SH3GL3: variants seen among roughly 807,000 people sequenced by gnomAD.
SH3GL3 encodes the protein SH3 domain containing GRB2 like 3, endophilin A3, also known as endophilin-A3.
Under a neutral mutation model 47.7 loss-of-function variants are expected in SH3GL3, and 33 were observed. The ratio of observed to expected loss-of-function variants is 0.69; its 90% CI spans 0.52 to 0.92. The LOEUF is 0.92. Among genes scored for constraint, SH3GL3 ranks in the 40% least tolerant of loss-of-function variants. The pLI, the probability that SH3GL3 is intolerant of heterozygous loss-of-function variation, is 0.00. For missense variants in SH3GL3, 363 were observed against 417.8 expected (o/e 0.87, Z 1.14); for synonymous variants, 155 against 148.8 (o/e 1.04, Z -0.30).
rs183327892 is a variant in SH3GL3, at chr15:83,498,289, C to G, written c.45+50711C>G. ...CATAGCACTCTGGAGCTGATTACCT[C>G]CCCTTCAATCCTGACTCCTCTCTTG... On this transcript the variant is annotated intron_variant, in intron 1 of 8. Transcript: ENST00000427482. 6.4e-4 allele frequency among the ~76,000 whole-genome samples: 97 copies of G among 152,322 alleles called. 1 individual carries two copies. Among genetic ancestry groups the G allele is most frequent in the Middle Eastern group, 3.4e-3 (1 of 294 alleles).
intron 1 of SH3GL3, among the ~76,000 whole-genome samples, chr15:83,466,368 AGT>A (rs2040567125): frequency 6.6e-6 from 1 of 151,812 alleles, no homozygotes; most frequent in Admixed American, 6.6e-5. Flanking sequence ...TGTGAATGTA[AGT>A]GTGTGTTTCT....
chr15:83,580,424 AAG>A (rs1187007724), intron 6 of SH3GL3, among the ~76,000 whole-genome samples: 2 of 152,206 alleles, frequency 1.3e-5, no homozygotes, highest in Non-Finnish European at 2.9e-5. Flanking sequence ...GCTGCAAGGG[AAG>A]CCTGGTGGCA....
intron 1 of SH3GL3, among the ~76,000 whole-genome samples, chr15:83,544,786 A>G (rs1193929536): frequency 6.6e-6 from 1 of 152,166 alleles, no homozygotes; most frequent in Non-Finnish European, 1.5e-5. Flanking sequence ...ATATTTTTGT[A>G]GGATACAATA....
chr15:83,587,410 C>A (rs1328780578), intron 7 of SH3GL3, among the ~76,000 whole-genome samples: 1 of 151,790 alleles, frequency 6.6e-6, no homozygotes, highest in Non-Finnish European at 1.5e-5. Flanking sequence ...TACAGAACTA[C>A]CCTGGCTTCA....
intron 1 of SH3GL3, among the ~76,000 whole-genome samples, chr15:83,474,864 G>A (rs1452038298): frequency 1.3e-5 from 2 of 152,150 alleles, no homozygotes; most frequent in Non-Finnish European, 2.9e-5. Context: ...CAGATTTGAC[G>A]ATGCTGGGTG....
intron 8 of SH3GL3, among the ~76,000 whole-genome samples, chr15:83,602,591 A>C (rs1050702972): frequency 6.6e-6 from 1 of 152,208 alleles, no homozygotes; most frequent in Non-Finnish European, 1.5e-5. Context: ...CCCAGCCCTT[A>C]ATACTATTGC....
At position 83,448,980 on chromosome 15, in the gene SH3GL3, G is replaced by C. The variant is rs145071734; in HGVS notation, c.45+1402G>C. 2.0e-5 allele frequency among the ~76,000 whole-genome samples: 3 copies of C among 152,270 alleles called. No individual in the cohort carries two copies. The highest frequency in any genetic ancestry group is 4.4e-5 in the Non-Finnish European group (3 of 68,028). On this transcript the variant is annotated intron_variant, in intron 1 of 8. Coordinates refer to ENST00000427482, the MANE Select transcript of SH3GL3 (RefSeq NM_003027.5). The surrounding 1 kb of genome is among the most constrained non-coding windows in gnomAD (Gnocchi z 4.2). ...CATTCACATGTCACTGGCCTGGGTT[G>C]GGGTGCATATCCTGACCTGCAGCTC...
chr15:83,564,560 G>T (rs973830538), intron 2 of SH3GL3, among the ~76,000 whole-genome samples: 2 of 152,240 alleles, frequency 1.3e-5, no homozygotes, highest in Non-Finnish European at 2.9e-5. Flanking sequence ...CAGAAGGAAA[G>T]ATTCAGTCTT....
At chr15:83,627,430 T>C in the SH3GL3 span, among the ~76,000 whole-genome samples, 2 of 151,292 alleles carry the variant, frequency 1.3e-5, no homozygotes, top group African/African-American at 2.4e-5. Flanking sequence ...AAAAGGGATG[T>C]TCTACTTAAC....
intron 1 of SH3GL3, among the ~76,000 whole-genome samples, chr15:83,472,163 C>T (rs938407161): frequency 6.6e-6 from 1 of 152,200 alleles, no homozygotes; most frequent in African/African-American, 2.4e-5. Context: ...GGATTACAGG[C>T]GTGAGCCACT....
At chr15:83,526,176 A>C (rs1185894075) in intron 1 of SH3GL3, among the ~76,000 whole-genome samples, 3 of 152,204 alleles carry the variant, frequency 2.0e-5, no homozygotes, top group African/African-American at 7.2e-5. Context: ...AAAATCACAG[A>C]TGCTGGTGAG....
chr15:83,544,801 A>G (rs1328589837), intron 1 of SH3GL3, among the ~76,000 whole-genome samples: 1 of 152,138 alleles, frequency 6.6e-6, no homozygotes, highest in Non-Finnish European at 1.5e-5. Flanking sequence ...ACAATATTCC[A>G]GGATAAAATC....
intron 6 of SH3GL3, among the ~76,000 whole-genome samples, chr15:83,586,482 C>T (rs111255763): frequency 2.0e-5 from 3 of 152,152 alleles, no homozygotes; most frequent in African/African-American, 7.2e-5. Flanking sequence ...AATCTTTGCC[C>T]CAGTTCACAT....
chr15:83,539,966 A>G (rs949782383), intron 1 of SH3GL3, among the ~76,000 whole-genome samples: 1 of 152,190 alleles, frequency 6.6e-6, no homozygotes, highest in East Asian at 1.9e-4. Flanking sequence ...CTGGTGATTT[A>G]AAGCTATAAA....
chr15:83,562,101 T>A (rs2045319620), intron 2 of SH3GL3, among the ~76,000 whole-genome samples: 1 of 149,598 alleles, frequency 6.7e-6, no homozygotes, highest in Admixed American at 6.7e-5. Context: ...CCCTAGTTAT[T>A]CTAGGAGGGA....
intron 1 of SH3GL3, among the ~76,000 whole-genome samples, chr15:83,515,834 A>C (rs558100922): frequency 1.3e-4 from 20 of 152,340 alleles, no homozygotes; most frequent in Middle Eastern, 3.4e-3. Context: ...TGATGTTCTC[A>C]ATGTGTTTTC....
rs114738576 is a variant in SH3GL3 at position 83,570,313 on chromosome 15, A to G, written c.331+1641A>G. 7.7e-3 allele frequency among the ~76,000 whole-genome samples: 1,175 copies of G among 152,222 alleles called. 17 individuals are homozygous for G. Among genetic ancestry groups the G allele is most frequent in the African/African-American group, 0.026 (1,093 of 41,562 alleles). Reference sequence around the variant, plus strand: ...TTTATTATAGGCTAAATTATTATACATTAAATTTGTTTATGGTCTTTCTCT... The same window carrying G: ...TTTATTATAGGCTAAATTATTATACGTTAAATTTGTTTATGGTCTTTCTCT... On this transcript the variant is annotated intron_variant, in intron 4 of 8. Coordinates refer to ENST00000427482, the MANE Select transcript of SH3GL3 (RefSeq NM_003027.5).
the SH3GL3 span, among the ~76,000 whole-genome samples, chr15:83,625,113 G>C: frequency 6.6e-6 from 1 of 152,162 alleles, no homozygotes; most frequent in East Asian, 1.9e-4. Context: ...ACAAAAATTA[G>C]CCGGGCATGG....
chr15:83,511,010 G>A (rs1000918290), intron 1 of SH3GL3, among the ~76,000 whole-genome samples: 1 of 151,736 alleles, frequency 6.6e-6, no homozygotes, highest in African/African-American at 2.4e-5. Flanking sequence ...GGAGAGGGGG[G>A]CGGGATAGCA....
Sources: allele counts gnomAD v4.1 joint callset (sites outside exome capture counted in the v4.1 genomes callset), GRCh38; gene constraint gnomAD v4.1.1; non-coding constraint Gnocchi (gnomAD v3.1); transcripts MANE v1.5; gene names NCBI Gene and HGNC (gene_info 2026-07-23, HGNC 2026-07-21).